SAMD12: variants seen among roughly 807,000 people sequenced by gnomAD.
The protein encoded by SAMD12 is sterile alpha motif domain-containing protein 12.
A neutral mutation model predicts 15.0 loss-of-function variants in SAMD12; 9 were observed. The observed-to-expected ratio is 0.60, with a 90% CI of 0.36 to 1.05. The LOEUF (loss-of-function observed/expected upper bound fraction) is 1.05. SAMD12 is among the 50% of genes least tolerant of loss of function. SAMD12 has a pLI of 0.01. For missense variants in SAMD12, 230 were observed against 234.2 expected (o/e 0.98, Z 0.12); for synonymous variants, 86 against 90.1 (o/e 0.96, Z 0.25).
intron 4 of SAMD12, among the ~76,000 whole-genome samples, chr8:118,329,245 C>CCA (rs1816702346): frequency 6.6e-6 from 1 of 152,036 alleles, no homozygotes; most frequent in Admixed American, 6.6e-5. Context: ...GTGGAGTGGC[C>CCA]CACAGAAGGA....
At chr8:118,449,714 T>C (rs545898512) in intron 2 of SAMD12, among the ~76,000 whole-genome samples, 32 of 139,334 alleles carry the variant, frequency 2.3e-4, no homozygotes, top group African/African-American at 7.1e-4. Flanking sequence ...GGCAGGAGAA[T>C]GGCGTGAACC....
the SAMD12 span, among the ~76,000 whole-genome samples, chr8:118,178,502 G>C: frequency 1.3e-5 from 2 of 151,994 alleles, no homozygotes; most frequent in Admixed American, 6.5e-5. Context: ...TCTCCCTCTT[G>C]TCACCCAGGA....
chr8:118,489,817 T>C (rs1352050422), intron 2 of SAMD12, among the ~76,000 whole-genome samples: 1 of 152,208 alleles, frequency 6.6e-6, no homozygotes, highest in African/African-American at 2.4e-5. Flanking sequence ...TTTTGTTTAA[T>C]ACACCGAAAT....
the SAMD12 span, among the ~76,000 whole-genome samples, chr8:118,164,172 T>A: frequency 6.6e-6 from 1 of 152,204 alleles, no homozygotes; most frequent in African/African-American, 2.4e-5. Flanking sequence ...TTGTTGTTTG[T>A]TGCTGTGAGG....
intron 4 of SAMD12, among the ~76,000 whole-genome samples, chr8:118,248,665 C>T (rs2450206): frequency 0.15 from 23,039 of 151,854 alleles, 2,297 homozygotes; most frequent in East Asian, 0.5. Flanking sequence ...TGTACACCCT[C>T]TTCTGAAAAC....
At chr8:118,495,684 C>T (rs1019324686) in intron 2 of SAMD12, among the ~76,000 whole-genome samples, 1 of 151,882 alleles carries the variant, frequency 6.6e-6, no homozygotes, top group Non-Finnish European at 1.5e-5. Context: ...GTTTCCTCAA[C>T]TGTAAAATGT....
chr8:118,283,807 A>G (rs981726511), intron 4 of SAMD12, among the ~76,000 whole-genome samples: 1 of 152,198 alleles, frequency 6.6e-6, no homozygotes, highest in African/African-American at 2.4e-5. Flanking sequence ...GCAGATGAAT[A>G]TGGGATTAAA....
chr8:118,166,671 G>A, the SAMD12 span, among the ~76,000 whole-genome samples: 2 of 152,160 alleles, frequency 1.3e-5, no homozygotes, highest in African/African-American at 4.8e-5. Context: ...TCAGGAAAAA[G>A]TTCATTTTAA....
chr8:118,164,214 T>G, the SAMD12 span, among the ~76,000 whole-genome samples: 1 of 152,170 alleles, frequency 6.6e-6, no homozygotes, highest in Non-Finnish European at 1.5e-5. Flanking sequence ...CCCCCTTGGC[T>G]TCCACATATA....
At chr8:118,285,436 A>T (rs1586429907) in intron 4 of SAMD12, among the ~76,000 whole-genome samples, 1 of 152,244 alleles carries the variant, frequency 6.6e-6, no homozygotes, top group African/African-American at 2.4e-5. Context: ...ATTTAATAAA[A>T]TATGAATGTT....
At chr8:118,556,791 C>T (rs1355510143) in intron 2 of SAMD12, among the ~76,000 whole-genome samples, 2 of 151,780 alleles carry the variant, frequency 1.3e-5, no homozygotes, top group African/African-American at 2.4e-5. Flanking sequence ...GGTGAAACCC[C>T]GTCTCTACTA....
intron 1 of SAMD12, among the ~76,000 whole-genome samples, chr8:118,611,003 G>A (rs1828096409): frequency 6.6e-6 from 1 of 152,130 alleles, no homozygotes; most frequent in South Asian, 2.1e-4. Context: ...GATTACCCTA[G>A]GGTGGGAAGT....
intron 4 of SAMD12, among the ~76,000 whole-genome samples, chr8:118,286,213 C>G (rs769453036): frequency 6.6e-5 from 10 of 151,420 alleles, no homozygotes; most frequent in Non-Finnish European, 1.3e-4. Context: ...ATATACCTAA[C>G]GTAAATGACG....
chr8:118,490,554 A>G (rs1017300609), intron 2 of SAMD12, among the ~76,000 whole-genome samples: 1 of 152,182 alleles, frequency 6.6e-6, no homozygotes, highest in African/African-American at 2.4e-5. Flanking sequence ...GCTAAGAGTA[A>G]CAACAACAAC....
chr8:118,435,102 C>CCAAA (rs1822542191), intron 3 of SAMD12, among the ~76,000 whole-genome samples: 1 of 120,218 alleles, frequency 8.3e-6, no homozygotes, highest in African/African-American at 3.5e-5. Context: ...GACTCCATCT[C>CCAAA]AAAAAAAAAA....
the SAMD12 span, among the ~76,000 whole-genome samples, chr8:118,143,929 A>T: frequency 6.6e-6 from 1 of 152,166 alleles, no homozygotes; most frequent in Non-Finnish European, 1.5e-5. Flanking sequence ...GCTCAAAACA[A>T]CAGAAATATA....
chr8:118,177,528 G>A, the SAMD12 span, among the ~76,000 whole-genome samples: 1 of 152,118 alleles, frequency 6.6e-6, no homozygotes, highest in Non-Finnish European at 1.5e-5. Flanking sequence ...ATAGGCGTGA[G>A]CCCCTGTGCC....
intron 2 of SAMD12, among the ~76,000 whole-genome samples, chr8:118,446,195 A>C (rs1447109308): frequency 6.7e-6 from 1 of 149,618 alleles, no homozygotes; most frequent in East Asian, 1.9e-4. Context: ...TAAAGACATC[A>C]CTGTTGTAGT....
Position 118,379,555 on chromosome 8 carries a change from G to T in SAMD12, c.468C>A (p.Thr156=). 2 of 1,613,802 alleles carry T rather than the reference G, an allele frequency of 1.2e-6. No individual in the cohort carries two copies. The highest frequency in any genetic ancestry group is 1.7e-6 in the Non-Finnish European group (2 of 1,179,864). The part of the protein sequence containing the change: ...VRNLQLLTQG[T]LLLPDGWMDG... ...CCATCCACCCATCAGGAAGCAATAG[G>T]GTACCTTGTGTGAGTAACTGTAGAT... The change falls in exon 4 of 4, where the codon ACC becomes ACA. Residue 156 remains threonine (T), a synonymous_variant. Coordinates refer to ENST00000314727, the MANE Select transcript of SAMD12 (RefSeq NM_207506.3).
Sources: allele counts gnomAD v4.1 joint callset (sites outside exome capture counted in the v4.1 genomes callset), GRCh38; gene constraint gnomAD v4.1.1; transcripts MANE v1.5; gene names NCBI Gene and HGNC (gene_info 2026-07-23, HGNC 2026-07-21).